LAMA2: variants seen among roughly 807,000 people sequenced by gnomAD.
The protein encoded by LAMA2 is laminin subunit alpha 2.
LAMA2 carries 269 observed loss-of-function variants against 364.8 expected under a neutral mutation model. That is an observed-to-expected ratio of 0.74 (90% CI 0.67 to 0.82). The LOEUF (loss-of-function observed/expected upper bound fraction) is 0.82. Among genes scored for constraint, LAMA2 ranks in the 40% least tolerant of loss-of-function variants. The pLI is 0.00. For missense variants in LAMA2, 3,807 were observed against 3,873.2 expected (o/e 0.98, Z 0.45); for synonymous variants, 1,379 against 1,370.6 (o/e 1.01, Z -0.14).
At chr6:128,933,636 C>T (rs1779631647) in intron 1 of LAMA2, among the ~76,000 whole-genome samples, 1 of 152,150 alleles carries the variant, frequency 6.6e-6, no homozygotes, top group African/African-American at 2.4e-5. Context: ...GAGGTGATAT[C>T]TCACTGTGGT....
intron 1 of LAMA2, among the ~76,000 whole-genome samples, chr6:128,926,024 A>G (rs1779071604): frequency 6.6e-6 from 1 of 152,104 alleles, no homozygotes; most frequent in Non-Finnish European, 1.5e-5. Flanking sequence ...GAGCCATTCT[A>G]TTCTCATGAA....
intron 30 of LAMA2, among the ~76,000 whole-genome samples, chr6:129,345,063 G>A (rs1353922205): frequency 1.3e-5 from 2 of 152,118 alleles, no homozygotes; most frequent in Admixed American, 6.6e-5. Flanking sequence ...TCTGATTGGA[G>A]GGCTTCAAAT....
intron 28 of LAMA2, among the ~76,000 whole-genome samples, chr6:129,327,767 C>T (rs970005583): frequency 6.6e-6 from 1 of 152,088 alleles, no homozygotes; most frequent in Non-Finnish European, 1.5e-5. Context: ...GTCTAATAGT[C>T]GCAAGACATG....
intron 32 of LAMA2, among the ~76,000 whole-genome samples, chr6:129,361,420 A>C (rs1777452300): frequency 6.6e-6 from 1 of 152,246 alleles, no homozygotes; most frequent in Admixed American, 6.5e-5. Flanking sequence ...AAAGTTTAGT[A>C]GCTTAAAACA....
chr6:129,261,344 T>A (rs1428749547), intron 15 of LAMA2, among the ~76,000 whole-genome samples: 5 of 152,114 alleles, frequency 3.3e-5, no homozygotes, highest in Non-Finnish European at 7.4e-5. Context: ...CCTACAGGTC[T>A]TTGATTTGTT....
chr6:129,471,562 T>C (rs1049197580), intron 51 of LAMA2, among the ~76,000 whole-genome samples: 1 of 151,916 alleles, frequency 6.6e-6, no homozygotes, highest in Admixed American at 6.6e-5. Context: ...ATTTTCATCT[T>C]CCAGTCAACA....
At chr6:128,922,927 G>C (rs1224996355) in intron 1 of LAMA2, among the ~76,000 whole-genome samples, 2 of 151,698 alleles carry the variant, frequency 1.3e-5, no homozygotes, top group African/African-American at 4.8e-5. Context: ...TTCTACATAT[G>C]GCTAGCCAGT....
intron 9 of LAMA2, among the ~76,000 whole-genome samples, chr6:129,172,479 C>G (rs573164053): frequency 1.2e-4 from 18 of 152,214 alleles, no homozygotes; most frequent in South Asian, 2.1e-4. Flanking sequence ...CTCCCAGTTA[C>G]GCTGCTCAGG....
At chr6:129,075,074 G>GA (rs892878374) in intron 3 of LAMA2, among the ~76,000 whole-genome samples, 24 of 149,910 alleles carry the variant, frequency 1.6e-4, no homozygotes, top group East Asian at 9.7e-4. Flanking sequence ...GCAAGTTCAT[G>GA]AAAAAAAAAG....
chr6:129,117,839 C>T (rs914800254), intron 4 of LAMA2, among the ~76,000 whole-genome samples: 2 of 152,160 alleles, frequency 1.3e-5, no homozygotes, highest in Admixed American at 6.5e-5. Context: ...TATTACCTTG[C>T]CCAAGTTTAT....
At chr6:129,113,618 G>A (rs1776293722) in intron 4 of LAMA2, among the ~76,000 whole-genome samples, 1 of 151,992 alleles carries the variant, frequency 6.6e-6, no homozygotes, top group African/African-American at 2.4e-5. Flanking sequence ...AAGCAAACAA[G>A]TAAAAACTCT....
chr6:129,144,351 A>G (rs1468466699), intron 5 of LAMA2, among the ~76,000 whole-genome samples: 2 of 152,010 alleles, frequency 1.3e-5, no homozygotes, highest in Non-Finnish European at 2.9e-5. Flanking sequence ...TAAAATGAGA[A>G]TCACAATGTC....
intron 3 of LAMA2, among the ~76,000 whole-genome samples, chr6:129,081,379 A>T (rs1209964542): frequency 1.3e-5 from 2 of 152,284 alleles, no homozygotes; most frequent in East Asian, 3.9e-4. Flanking sequence ...GTATCCTATA[A>T]CTTAAAGCAT....
chr6:129,513,151 C>T (rs76538675), intron 63 of LAMA2, among the ~76,000 whole-genome samples: 1 of 152,150 alleles, frequency 6.6e-6, no homozygotes. Context: ...AAATAGGAAT[C>T]GTACTTCAAC....
intron 24 of LAMA2, among the ~76,000 whole-genome samples, chr6:129,315,187 G>C (rs941961674): frequency 1.3e-5 from 2 of 152,120 alleles, no homozygotes; most frequent in African/African-American, 4.8e-5. Context: ...TTTTTGGAGT[G>C]AAAACATGTT....
intron 64 of LAMA2, 90 bp from the exon 65 acceptor site, chr6:129,516,100 A>C: frequency 7.2e-7 from 1 of 1,388,754 alleles, no homozygotes; most frequent in Non-Finnish European, 1.0e-6. Flanking sequence ...TTCCAATTTA[A>C]TCTCAAGCTA....
At chr6:129,467,769 AGTCAAAG>A (rs1284779964) in intron 51 of LAMA2, among the ~76,000 whole-genome samples, 1 of 151,956 alleles carries the variant, frequency 6.6e-6, no homozygotes, top group Non-Finnish European at 1.5e-5. Flanking sequence ...AATCAATATT[AGTCAAAG>A]GTCAAGTTAC....
intron 7 of LAMA2, among the ~76,000 whole-genome samples, chr6:129,153,278 A>G (rs1778920338): frequency 6.6e-6 from 1 of 152,198 alleles, no homozygotes; most frequent in African/African-American, 2.4e-5. Flanking sequence ...TTGTGCTTTT[A>G]AATATCCCAA....
chr6:128,973,101 C>T (rs926033082), intron 1 of LAMA2, among the ~76,000 whole-genome samples: 14 of 152,094 alleles, frequency 9.2e-5, no homozygotes, highest in African/African-American at 3.1e-4. Flanking sequence ...AAAAAAAGTT[C>T]CTAAAATTGG....
Sources: gnomAD v4.1 joint callset for allele counts (sites outside exome capture counted in the v4.1 genomes callset) on GRCh38, gnomAD v4.1.1 for gene constraint, MANE v1.5 for transcripts, NCBI Gene and HGNC (gene_info 2026-07-23, HGNC 2026-07-21) for gene names.